The following EDIL3 variants were observed in gnomAD, a reference collection of about 807,000 sequenced individuals.
The protein encoded by EDIL3 is EGF like and discoidin domains 3.
A neutral mutation model predicts 67.4 loss-of-function variants in EDIL3; 37 were observed. That is an observed-to-expected ratio of 0.55 (90% CI 0.42 to 0.72). The LOEUF is 0.72. Ranked by LOEUF, EDIL3 falls within the 30% of genes least tolerant of loss-of-function variation. EDIL3 has a pLI of 0.00. For missense variants in EDIL3, 527 were observed against 586.3 expected, an observed-to-expected ratio of 0.90 and a Z score of 1.04; for synonymous variants, 195 against 196.3, an observed-to-expected ratio of 0.99 and a Z score of 0.05.
chr5:84,134,137 C>T (rs186822915), intron 5 of EDIL3, among the ~76,000 whole-genome samples: 2 of 152,058 alleles, frequency 1.3e-5, no homozygotes, highest in Admixed American at 6.5e-5. Flanking sequence ...AGTAAAGGTG[C>T]TTAATAGCTA....
chr5:84,120,606 C>T (rs1195692135), intron 5 of EDIL3, among the ~76,000 whole-genome samples: 1 of 151,880 alleles, frequency 6.6e-6, no homozygotes, highest in African/African-American at 2.4e-5. Flanking sequence ...CTAAAAATTC[C>T]GTTTTACAAA....
chr5:84,240,727 AGGTTGG>A (rs1356642035), intron 2 of EDIL3, among the ~76,000 whole-genome samples: 1 of 152,190 alleles, frequency 6.6e-6, no homozygotes, highest in Non-Finnish European at 1.5e-5. Context: ...GGTGCCAAAA[AGGTTGG>A]GGACCGCAGC....
At chr5:84,130,183 A>T (rs1747937316) in intron 5 of EDIL3, among the ~76,000 whole-genome samples, 1 of 152,128 alleles carries the variant, frequency 6.6e-6, no homozygotes, top group African/African-American at 2.4e-5. Context: ...CTTCCCTGTC[A>T]TAGGCTCCCT....
chr5:83,991,205 A>T (rs559989226), intron 9 of EDIL3, among the ~76,000 whole-genome samples: 1 of 152,138 alleles, frequency 6.6e-6, no homozygotes, highest in African/African-American at 2.4e-5. Context: ...TAGAATCCCT[A>T]CATCAACTGG....
chr5:84,221,756 T>G (rs1325760214), intron 3 of EDIL3, among the ~76,000 whole-genome samples: 1 of 152,010 alleles, frequency 6.6e-6, no homozygotes, highest in Non-Finnish European at 1.5e-5. Flanking sequence ...TATTTGAGCC[T>G]GATTAAAGTA....
intron 1 of EDIL3, among the ~76,000 whole-genome samples, chr5:84,262,316 A>G (rs1215590535): frequency 2.0e-5 from 3 of 152,184 alleles, no homozygotes; most frequent in Admixed American, 6.5e-5. Flanking sequence ...AGAAGGAGAA[A>G]GGAATAGGAA....
At chr5:84,140,977 G>T (rs1333015760) in intron 4 of EDIL3, among the ~76,000 whole-genome samples, 2 of 151,958 alleles carry the variant, frequency 1.3e-5, no homozygotes, top group Admixed American at 1.3e-4. Context: ...ACCTCAATTT[G>T]TATAAATCAT....
chr5:84,117,020 A>AATTTT (rs71605897), intron 5 of EDIL3, among the ~76,000 whole-genome samples: 1 of 83,236 alleles, frequency 1.2e-5, no homozygotes, highest in African/African-American at 4.7e-5. Flanking sequence ...TTAAGTACTT[A>AATTTT]TTTTTTTTTT....
At chr5:84,269,089 T>A (rs944377669) in intron 1 of EDIL3, among the ~76,000 whole-genome samples, 2 of 152,204 alleles carry the variant, frequency 1.3e-5, no homozygotes, top group African/African-American at 2.4e-5. Flanking sequence ...ATTTTATGTA[T>A]CCTTTCTGAA....
chr5:84,354,347 A>C (rs1747428297), intron 1 of EDIL3, among the ~76,000 whole-genome samples: 1 of 152,116 alleles, frequency 6.6e-6, no homozygotes. Context: ...TTGACCATAA[A>C]TAGCTATCCT....
intron 2 of EDIL3, among the ~76,000 whole-genome samples, chr5:84,251,439 C>T (rs900914124): frequency 6.7e-6 from 1 of 148,598 alleles, no homozygotes; most frequent in Non-Finnish European, 1.5e-5. Flanking sequence ...GAAACAAAAA[C>T]GCAGGATGGT....
chr5:84,231,268 G>A (rs1744571695), intron 2 of EDIL3, among the ~76,000 whole-genome samples: 1 of 152,142 alleles, frequency 6.6e-6, no homozygotes, highest in Non-Finnish European at 1.5e-5. Flanking sequence ...AATTACAAGA[G>A]TGAAAAAGAA....
chr5:84,102,827 T>A (rs1211099938), intron 6 of EDIL3, among the ~76,000 whole-genome samples: 1 of 152,020 alleles, frequency 6.6e-6, no homozygotes, highest in Non-Finnish European at 1.5e-5. Context: ...ATTTCAATGC[T>A]AATCCTATCA....
At chr5:84,201,504 G>C (rs79561946) in intron 3 of EDIL3, among the ~76,000 whole-genome samples, 1 of 151,892 alleles carries the variant, frequency 6.6e-6, no homozygotes, top group Non-Finnish European at 1.5e-5. Context: ...TGTTTTTCTG[G>C]GTCAGAAAGC....
At chr5:84,299,995 A>G (rs886329492) in intron 1 of EDIL3, among the ~76,000 whole-genome samples, 1 of 152,222 alleles carries the variant, frequency 6.6e-6, no homozygotes, top group African/African-American at 2.4e-5. Context: ...ATTCCCAAGT[A>G]TTAGTTTTCT....
At chr5:83,952,250 C>A (rs1369906312) in intron 10 of EDIL3, among the ~76,000 whole-genome samples, 2 of 151,782 alleles carry the variant, frequency 1.3e-5, no homozygotes, top group East Asian at 3.9e-4. Context: ...AGCTTGCTGT[C>A]ATTTAGAATG....
intron 1 of EDIL3, among the ~76,000 whole-genome samples, chr5:84,289,662 G>A (rs1030182615): frequency 2.6e-5 from 4 of 152,160 alleles, no homozygotes; most frequent in Non-Finnish European, 5.9e-5. Context: ...CAACAACTGA[G>A]ATGACTAACA....
At chr5:84,267,915 C>G (rs1450633671) in intron 1 of EDIL3, among the ~76,000 whole-genome samples, 3 of 152,234 alleles carry the variant, frequency 2.0e-5, no homozygotes, top group Admixed American at 6.5e-5. Flanking sequence ...AGCAGGCAGA[C>G]TACCTGAGCT....
At chr5:84,182,685 G>A (rs541225712) in intron 3 of EDIL3, among the ~76,000 whole-genome samples, 27 of 152,156 alleles carry the variant, frequency 1.8e-4, no homozygotes, top group African/African-American at 5.5e-4. Context: ...GAAATTCAAC[G>A]GTTGTGGAGT....
Sources: allele counts gnomAD v4.1 joint callset (sites outside exome capture counted in the v4.1 genomes callset), GRCh38; gene constraint gnomAD v4.1.1; transcripts MANE v1.5; gene names NCBI Gene and HGNC (gene_info 2026-07-23, HGNC 2026-07-21).